The following QRFPR variants were observed in gnomAD, a reference collection of about 807,000 sequenced individuals.
QRFPR encodes pyroglutamylated RF-amide peptide receptor.
In QRFPR, 37 loss-of-function variants were observed where a neutral mutation model predicts 31.3. The ratio of observed to expected loss-of-function variants is 1.18; its 90% CI spans 0.91 to 1.56. The LOEUF (loss-of-function observed/expected upper bound fraction) is 1.56. Among genes scored for constraint, QRFPR ranks in the 40% most tolerant of loss-of-function variants. QRFPR has a pLI of 0.00. For missense variants in QRFPR, 542 were observed against 532.5 expected (o/e 1.02, Z -0.18); for synonymous variants, 197 against 192.0 (o/e 1.03, Z -0.22).
chr4:121,377,610 C>G (rs1375075788), intron 1 of QRFPR, among the ~76,000 whole-genome samples: 1 of 152,072 alleles, frequency 6.6e-6, no homozygotes. Flanking sequence ...CTAAATTATT[C>G]TCTGAATTAT....
At chr4:121,345,995 T>C (rs1218792256) in intron 1 of QRFPR, among the ~76,000 whole-genome samples, 1 of 152,222 alleles carries the variant, frequency 6.6e-6, no homozygotes. Flanking sequence ...TTTAAAACAT[T>C]ATTAATTTAG....
chr4:121,346,887 G>T (rs1725660612), intron 1 of QRFPR, among the ~76,000 whole-genome samples: 1 of 152,102 alleles, frequency 6.6e-6, no homozygotes, highest in Non-Finnish European at 1.5e-5. Flanking sequence ...ACTTCATCAT[G>T]ATGTATAATC....
intron 1 of QRFPR, among the ~76,000 whole-genome samples, chr4:121,375,588 T>C (rs1726336192): frequency 6.6e-6 from 1 of 152,206 alleles, no homozygotes; most frequent in Non-Finnish European, 1.5e-5. Context: ...CATGTGTAAG[T>C]GCCAAGTCTT....
intron 3 of QRFPR, chr4:121,334,715 G>A (rs990375528): frequency 6.1e-5 from 17 of 278,472 alleles, no homozygotes; most frequent in East Asian, 5.0e-4. Flanking sequence ...AATTTTAACC[G>A]TCTCGTTGCT....
intron 1 of QRFPR, among the ~76,000 whole-genome samples, chr4:121,342,145 G>GCA (rs1199157054): frequency 1.3e-5 from 2 of 152,204 alleles, no homozygotes; most frequent in Non-Finnish European, 2.9e-5. Context: ...GAACACAAAG[G>GCA]CACAGGAAGG....
At chr4:121,329,794 A>C in intron 5 of QRFPR, 80 bp from the exon 6 acceptor site, 4 of 1,034,336 alleles carry the variant, frequency 3.9e-6, no homozygotes, top group Non-Finnish European at 4.1e-6. Context: ...CCTGTCAAAG[A>C]CTTAAACTTG....
intron 1 of QRFPR, among the ~76,000 whole-genome samples, chr4:121,354,441 T>C (rs991594580): frequency 6.6e-6 from 1 of 151,840 alleles, no homozygotes; most frequent in African/African-American, 2.4e-5. Context: ...TTGGTTCTGA[T>C]AGTTTTTTGG....
chr4:121,379,834 G>A (rs899311021), intron 1 of QRFPR, among the ~76,000 whole-genome samples: 5 of 152,230 alleles, frequency 3.3e-5, no homozygotes, highest in Admixed American at 6.5e-5. Context: ...GCTGGAGGGT[G>A]GGGGAATGAG....
chr4:121,375,373 G>A (rs2110486000), intron 1 of QRFPR, among the ~76,000 whole-genome samples: 1 of 152,224 alleles, frequency 6.6e-6, no homozygotes, highest in African/African-American at 2.4e-5. Flanking sequence ...TTCTTTGAAT[G>A]CTTCCTCCCC....
intron 1 of QRFPR, among the ~76,000 whole-genome samples, chr4:121,371,269 C>T (rs1726240155): frequency 6.6e-6 from 1 of 152,178 alleles, no homozygotes; most frequent in African/African-American, 2.4e-5. Flanking sequence ...CAGATAAAAA[C>T]AATAAGCACT....
chr4:121,368,808 C>T (rs1308699816), intron 1 of QRFPR, among the ~76,000 whole-genome samples: 1 of 152,178 alleles, frequency 6.6e-6, no homozygotes, highest in Non-Finnish European at 1.5e-5. Flanking sequence ...ACAGCACAAA[C>T]ATTCTTTACC....
intron 1 of QRFPR, among the ~76,000 whole-genome samples, chr4:121,356,877 G>C (rs2110477268): frequency 6.6e-6 from 1 of 152,182 alleles, no homozygotes; most frequent in Middle Eastern, 3.4e-3. Context: ...CCTGGGTCTT[G>C]TCCAGGGTCT....
intron 1 of QRFPR, among the ~76,000 whole-genome samples, chr4:121,347,490 A>G (rs1315788502): frequency 6.6e-6 from 1 of 152,152 alleles, no homozygotes; most frequent in Non-Finnish European, 1.5e-5. Context: ...TCTTACAGTT[A>G]TAACACTGTC....
chr4:121,329,621 A>G lies in QRFPR; in HGVS notation c.989T>C (p.Ile330Thr). The G allele has an allele frequency of 6.2e-7, 1 of 1,610,730 alleles. No individual in the cohort carries two copies. Among genetic ancestry groups the G allele is most frequent in the Non-Finnish European group, 8.5e-7 (1 of 1,178,544 alleles). Residue 330 changes from isoleucine (I) to threonine (T), a missense_variant, in exon 6 of 6, where the codon ATT becomes ACT. By Grantham distance (89) the Ile-to-Thr change is moderately conservative (BLOSUM62 -1). Transcript: ENST00000394427. ...GTTTTCATTCATAAATGCATAGACA[A>G]TGGGATTACAGATGGAGTTGGAAAA... ...IGFSNSICNP[I>T]VYAFMNENFK...
chr4:121,348,977 G>T (rs1725714028), intron 1 of QRFPR, among the ~76,000 whole-genome samples: 1 of 152,066 alleles, frequency 6.6e-6, no homozygotes, highest in African/African-American at 2.4e-5. Flanking sequence ...GGGGACTGTA[G>T]TCCCAGCTAC....
chr4:121,336,940 C>A, intron 2 of QRFPR, 72 bp from the exon 3 acceptor site: 1 of 1,341,802 alleles, frequency 7.5e-7, no homozygotes. Flanking sequence ...TTATCTAACC[C>A]TCAAGATTCC....
chr4:121,365,668 ATATATT>A (rs199536499), intron 1 of QRFPR, among the ~76,000 whole-genome samples: 9,181 of 63,400 alleles, frequency 0.14, 1,992 homozygotes, highest in East Asian at 0.35. Flanking sequence ...TATATATTTT[ATATATT>A]ATATATATAT....
intron 1 of QRFPR, among the ~76,000 whole-genome samples, chr4:121,377,591 G>T (rs1726381180): frequency 6.6e-6 from 1 of 151,984 alleles, no homozygotes; most frequent in South Asian, 2.1e-4. Flanking sequence ...ATCCTCTGCT[G>T]GAAAGAGTCT....
At chr4:121,369,172 G>A (rs1438670430) in intron 1 of QRFPR, among the ~76,000 whole-genome samples, 2 of 152,086 alleles carry the variant, frequency 1.3e-5, no homozygotes, top group African/African-American at 4.8e-5. Context: ...GGGACTATAG[G>A]CACCCACCAC....
Sources: allele counts gnomAD v4.1 joint callset (sites outside exome capture counted in the v4.1 genomes callset), GRCh38; gene constraint gnomAD v4.1.1; transcripts MANE v1.5; gene names NCBI Gene and HGNC (gene_info 2026-07-23, HGNC 2026-07-21).